POLD3: variants seen among roughly 807,000 people sequenced by gnomAD.
POLD3 encodes DNA polymerase delta 3, accessory subunit, also known as DNA polymerase delta subunit 3.
Under a neutral mutation model 58.2 loss-of-function variants are expected in POLD3, and 19 were observed. The ratio of observed to expected loss-of-function variants is 0.33; its 90% CI spans 0.23 to 0.48. The LOEUF is 0.48. POLD3 is among the 20% of genes least tolerant of loss of function. The pLI is 0.99. For missense variants in POLD3, 504 were observed against 545.5 expected (o/e 0.92, Z 0.76); for synonymous variants, 172 against 193.5 (o/e 0.89, Z 0.92).
At chr11:74,627,637 C>T (rs1266033241) in intron 8 of POLD3, among the ~76,000 whole-genome samples, 1 of 152,144 alleles carries the variant, frequency 6.6e-6, no homozygotes, top group Non-Finnish European at 1.5e-5. Flanking sequence ...GTGCCCTATA[C>T]ATGTGTACCA....
chr11:74,638,666 G>A (rs766296086), intron 11 of POLD3: 18 of 455,922 alleles, frequency 3.9e-5, no homozygotes, highest in South Asian at 2.8e-4. Context: ...GGGTCTAATT[G>A]CTGAACGAAT....
At chr11:74,658,787 T>C (rs2033168359) in intron 4 of POLD3, among the ~76,000 whole-genome samples, 2 of 152,224 alleles carry the variant, frequency 1.3e-5, no homozygotes, top group South Asian at 4.1e-4. Context: ...CCCATGGTCT[T>C]GGGCAGCTCC....
At chr11:74,638,733 G>C in intron 11 of POLD3, 1 of 453,586 alleles carries the variant, frequency 2.2e-6, no homozygotes, top group Non-Finnish European at 4.4e-6. Context: ...AAACTTTGCC[G>C]GCTATGTGCA....
At chr11:74,665,132 AAAT>A (rs2033251902) in intron 4 of POLD3, among the ~76,000 whole-genome samples, 1 of 145,646 alleles carries the variant, frequency 6.9e-6, no homozygotes, top group South Asian at 2.2e-4. Context: ...ATAAATAAAT[AAAT>A]AATAAAATAA....
At chr11:74,622,339 A>G (rs1165127911) in intron 7 of POLD3, among the ~76,000 whole-genome samples, 1 of 152,172 alleles carries the variant, frequency 6.6e-6, no homozygotes, top group Non-Finnish European at 1.5e-5. Flanking sequence ...ATACGTGTGC[A>G]TGTAAGACCC....
chr11:74,594,000 G>A, intron 1 of POLD3, 61 bp from the exon 2 acceptor site: 1 of 854,398 alleles, frequency 1.2e-6, no homozygotes, highest in Non-Finnish European at 2.0e-6. Flanking sequence ...CAGACCTTCG[G>A]GACTGATGTG....
At chr11:74,594,976 C>T (rs2031177162) in intron 2 of POLD3, among the ~76,000 whole-genome samples, 1 of 152,184 alleles carries the variant, frequency 6.6e-6, no homozygotes, top group Admixed American at 6.5e-5. Context: ...GGTGGGGACA[C>T]AGCCAAACTA....
At position 74,620,120 on chromosome 11, in the gene POLD3, C is replaced by G. The variant is rs377089927; in HGVS notation, c.733+31C>G. 6.1e-6 allele frequency: 9 copies of G among 1,474,820 alleles called. No individual in the cohort carries two copies. In the African/African-American group the frequency reaches 1.2e-4, roughly 20 times the overall value. 91.4% of individuals were successfully genotyped at this position (1,474,820 alleles called of 1,614,324 possible). ...CATGTTCTTACCTCACTTTGACTAA[C>G]GAATGAATGTTAATGTAATGACATA... On this transcript the variant is annotated intron_variant, in intron 7 of 11. Coordinates refer to ENST00000263681, the MANE Select transcript of POLD3 (RefSeq NM_006591.3).
chr11:74,667,302 G>A (rs142119177), intron 4 of POLD3, among the ~76,000 whole-genome samples: 230 of 152,322 alleles, frequency 1.5e-3, no homozygotes, highest in African/African-American at 5.0e-3. Flanking sequence ...TTGGGAGGCC[G>A]AGGCGGGCAG....
intron 9 of POLD3, among the ~76,000 whole-genome samples, chr11:74,631,783 G>GT (rs1454801674): frequency 6.6e-6 from 1 of 151,942 alleles, no homozygotes; most frequent in Non-Finnish European, 1.5e-5. Flanking sequence ...CGCCCGTCCT[G>GT]TTTTTTTCTT....
downstream of POLD3, among the ~76,000 whole-genome samples, chr11:74,647,535 G>A (rs1404446826): frequency 6.6e-6 from 1 of 152,162 alleles, no homozygotes; most frequent in African/African-American, 2.4e-5. Flanking sequence ...TTCAGATGCT[G>A]CATCATGTGA....
At chr11:74,667,278 G>A (rs926551489) in intron 4 of POLD3, among the ~76,000 whole-genome samples, 5 of 152,234 alleles carry the variant, frequency 3.3e-5, no homozygotes, top group African/African-American at 1.2e-4. Flanking sequence ...GCTCACGCCT[G>A]TAATCCCAGC....
At position 74,631,533 on chromosome 11, in the gene POLD3, G is replaced by A. The variant is rs182884221; in HGVS notation, c.1006+2210G>A. ...CTTGCTCTGTCGCCCAGGCTGGAGT[G>A]CAGTGGTGCGATGCGATCTCGGCTC... On this transcript the variant is annotated intron_variant, in intron 9 of 11. Coordinates refer to ENST00000263681, the MANE Select transcript of POLD3 (RefSeq NM_006591.3). Among the ~76,000 whole-genome samples the A allele has an allele frequency of 3.0e-3, 408 of 138,114 alleles. 1 individual carries two copies. The highest frequency in any genetic ancestry group is 8.5e-3 in the Middle Eastern group (2 of 236). 90.6% of individuals were successfully genotyped at this position (138,114 alleles called of 152,430 possible).
chr11:74,653,326 C>CAG (rs2033091419), intron 4 of POLD3, among the ~76,000 whole-genome samples: 1 of 151,880 alleles, frequency 6.6e-6, no homozygotes, highest in Non-Finnish European at 1.5e-5. Flanking sequence ...GAGAGATACA[C>CAG]ACACACATAG....
chr11:74,595,531 T>G (rs1259741348), intron 2 of POLD3: 3 of 152,202 alleles, frequency 2.0e-5, no homozygotes, highest in Non-Finnish European at 4.4e-5. Context: ...AGACCCTGAT[T>G]GAAAAATTAT....
At position 74,666,388 on chromosome 11, in the gene POLD3, AG is replaced by A. The variant is rs2033268363; in HGVS notation, c.370-2387del. On this transcript the variant is annotated intron_variant, in intron 4 of 4. Transcript: ENST00000524752. ...GTAATCCCAGCACTTTGGGAGGCCG[AG>A]GCAGGTGGATCACCTGAGGTCAGGA... Among the ~76,000 whole-genome samples, 3 of 152,310 alleles carry A rather than the reference AG, an allele frequency of 2.0e-5. No individual in the cohort carries two copies. The South Asian group carries it at 6.2e-4, about 32-fold the overall frequency.
At chr11:74,665,686 C>T (rs1287265452) in intron 4 of POLD3, among the ~76,000 whole-genome samples, 1 of 152,076 alleles carries the variant, frequency 6.6e-6, no homozygotes, top group African/African-American at 2.4e-5. Flanking sequence ...AGGCATGAGC[C>T]ACCATGCCTG....
At chr11:74,608,064 T>G (rs1038267115) in intron 3 of POLD3, among the ~76,000 whole-genome samples, 3 of 152,228 alleles carry the variant, frequency 2.0e-5, no homozygotes, top group African/African-American at 4.8e-5. Flanking sequence ...TTTTGTAATG[T>G]GAAGAACTGT....
At chr11:74,666,820 T>C (rs577073178) in intron 4 of POLD3, among the ~76,000 whole-genome samples, 1 of 152,144 alleles carries the variant, frequency 6.6e-6, no homozygotes, top group African/African-American at 2.4e-5. Context: ...GAAATCCTTC[T>C]TGATTTCAAA....
Sources: allele counts gnomAD v4.1 joint callset (sites outside exome capture counted in the v4.1 genomes callset), GRCh38; gene constraint gnomAD v4.1.1; transcripts MANE v1.5; gene names NCBI Gene and HGNC (gene_info 2026-07-23, HGNC 2026-07-21).